ASTN1: variants seen among roughly 807,000 people sequenced by gnomAD.
ASTN1 encodes astrotactin 1, also known as astrotactin-1.
ASTN1 carries 41 observed loss-of-function variants against 140.7 expected under a neutral mutation model. The observed-to-expected ratio is 0.29, with a 90% CI of 0.23 to 0.38. The LOEUF is 0.38. Among genes scored for constraint, ASTN1 ranks in the 10% least tolerant of loss-of-function variants. The pLI is 1.00. For missense variants in ASTN1, 1,479 were observed against 1,678.8 expected (o/e 0.88, Z 2.08); for synonymous variants, 640 against 652.2 (o/e 0.98, Z 0.29).
chr1:176,992,984 G>A (rs533014360), intron 8 of ASTN1, among the ~76,000 whole-genome samples: 26 of 152,272 alleles, frequency 1.7e-4, no homozygotes, highest in African/African-American at 5.5e-4. Flanking sequence ...GATTGGCTTC[G>A]TTACGAGAAG....
At chr1:177,029,396 CAATTTGG>C (rs1212187295) in intron 5 of ASTN1, 12 of 722,376 alleles carry the variant, frequency 1.7e-5, no homozygotes, top group Non-Finnish European at 2.1e-5. Context: ...GCCTTTCAAA[CAATTTGG>C]AAACTTGTTT....
At chr1:177,026,688 G>C (rs1676132744) in intron 5 of ASTN1, among the ~76,000 whole-genome samples, 1 of 152,132 alleles carries the variant, frequency 6.6e-6, no homozygotes, top group Non-Finnish European at 1.5e-5. Context: ...CCTGTCTTTG[G>C]ATAAAAGCCA....
intron 1 of ASTN1, among the ~76,000 whole-genome samples, chr1:177,162,413 T>G (rs560387438): frequency 3.5e-4 from 53 of 152,204 alleles, no homozygotes; most frequent in Admixed American, 5.9e-4. Flanking sequence ...AGAGTGTGTC[T>G]GTGTGCCTGT....
At chr1:176,934,552 A>G (rs548050031) in intron 15 of ASTN1, among the ~76,000 whole-genome samples, 1 of 151,956 alleles carries the variant, frequency 6.6e-6, no homozygotes, top group African/African-American at 2.4e-5. Flanking sequence ...GGTTGTATTA[A>G]CTTTGTGCCA....
intron 1 of ASTN1, among the ~76,000 whole-genome samples, chr1:177,119,202 C>T (rs142504104): frequency 2.0e-4 from 31 of 152,260 alleles, no homozygotes; most frequent in African/African-American, 7.0e-4. Flanking sequence ...AGACAGTGCC[C>T]TCATCAATGT....
intron 8 of ASTN1, among the ~76,000 whole-genome samples, chr1:176,979,092 T>A (rs1263267656): frequency 1.3e-5 from 2 of 152,076 alleles, no homozygotes; most frequent in African/African-American, 4.8e-5. Context: ...AGGGAAACAG[T>A]CCTGGAGCAT....
At chr1:177,073,606 T>G (rs1293470943) in intron 1 of ASTN1, among the ~76,000 whole-genome samples, 1 of 147,974 alleles carries the variant, frequency 6.8e-6, no homozygotes, top group Non-Finnish European at 1.5e-5. Context: ...TTATTCTACC[T>G]TCATAGAACC....
rs1667956157 is a variant in ASTN1, at chr1:176,861,397, G to C, written c.*2887C>G. ...TCTTGGGGACATGGGAGCTGGGAGA[G>C]TGTTGGTGGGATATAAGCACCTCCC... On this transcript the variant is annotated 3_prime_UTR_variant, in exon 23 of 23. Transcript: ENST00000361833. 1.0e-6 allele frequency: 1 copy of C among 985,718 alleles called. No homozygotes were observed. The highest frequency in any genetic ancestry group is 1.2e-6 in the Non-Finnish European group (1 of 829,932). 61.1% of individuals were successfully genotyped at this position (985,718 alleles called of 1,614,324 possible). A position where few individuals can be genotyped will look rare whatever the true frequency, so the allele number is the denominator to read the frequency against.
In ASTN1 at chr1:176,909,578, G is replaced by A. The variant is rs527444133; in HGVS notation, c.2672-14748C>T. Among the ~76,000 whole-genome samples, 3 of 152,262 alleles carry A rather than the reference G, an allele frequency of 2.0e-5. No individual in the cohort carries two copies. In the South Asian group the frequency reaches 6.2e-4, roughly 32 times the overall value. On this transcript the variant is annotated intron_variant, in intron 16 of 22. Transcript: ENST00000361833. ...ACAGAATTAAATTTTGGTCCCCCAAGCCAACCTTTTTTGTTACAAAAGATT... is the reference window on the plus strand; with the variant it reads ...ACAGAATTAAATTTTGGTCCCCCAAACCAACCTTTTTTGTTACAAAAGATT...
rs1669017227 is a variant in ASTN1 at position 176,885,979 on chromosome 1, A to C, written c.3075-1489T>G. Among the ~76,000 whole-genome samples, 4 of 152,292 alleles carry C rather than the reference A, an allele frequency of 2.6e-5. No homozygotes were observed. The South Asian group carries it at 8.3e-4, about 32-fold the overall frequency. On this transcript the variant is annotated intron_variant, in intron 18 of 22. Transcript: ENST00000361833. ...ATGACATTGAAGATGGAATAGACCCAAAACTGTGCAGATATTGACAAATTC... is the reference window on the plus strand; with the variant it reads ...ATGACATTGAAGATGGAATAGACCCCAAACTGTGCAGATATTGACAAATTC...
intron 2 of ASTN1, 44 bp from the exon 3 acceptor site, chr1:177,032,893 C>A: frequency 6.6e-7 from 1 of 1,524,330 alleles, no homozygotes; most frequent in Non-Finnish European, 8.8e-7. Flanking sequence ...GATGGGTAGG[C>A]TCTTCCCACA....
chr1:177,046,366 A>G (rs1677224037), intron 2 of ASTN1, among the ~76,000 whole-genome samples: 2 of 152,234 alleles, frequency 1.3e-5, no homozygotes, highest in African/African-American at 2.4e-5. Context: ...TATTATTAGT[A>G]TCAAATGCAC....
intron 1 of ASTN1, among the ~76,000 whole-genome samples, chr1:177,142,970 G>A (rs1682544022): frequency 6.6e-6 from 1 of 152,056 alleles, no homozygotes. Flanking sequence ...CCTGAGTGAG[G>A]AGGAAACACT....
chr1:177,096,716 T>G (rs1434210137), intron 1 of ASTN1, among the ~76,000 whole-genome samples: 1 of 152,204 alleles, frequency 6.6e-6, no homozygotes, highest in Admixed American at 6.5e-5. Context: ...TGCTGCCATG[T>G]AAGACGTGCC....
intron 8 of ASTN1, among the ~76,000 whole-genome samples, chr1:176,994,555 C>T (rs1471793086): frequency 6.6e-6 from 1 of 152,126 alleles, no homozygotes; most frequent in Non-Finnish European, 1.5e-5. Flanking sequence ...GTTGGCCAGG[C>T]TGGTCTCGAA....
chr1:176,876,762 C>G, intron 20 of ASTN1, 125 bp from the exon 21 acceptor site: 4 of 882,280 alleles, frequency 4.5e-6, no homozygotes, highest in Non-Finnish European at 6.9e-6. Flanking sequence ...CTCTCGTCAT[C>G]CTGGGTCACG....
At chr1:177,075,757 C>T (rs1427104995) in intron 1 of ASTN1, among the ~76,000 whole-genome samples, 1 of 151,112 alleles carries the variant, frequency 6.6e-6, no homozygotes, top group Non-Finnish European at 1.5e-5. Context: ...AGCAATCCTT[C>T]CATCTCAGCC....
intron 1 of ASTN1, among the ~76,000 whole-genome samples, chr1:177,137,567 C>G (rs759957208): frequency 2.0e-4 from 31 of 152,204 alleles, no homozygotes; most frequent in Non-Finnish European, 4.0e-4. Flanking sequence ...TAATTATACA[C>G]ATAATCCAGA....
At chr1:177,006,991 A>C (rs1300423253) in intron 8 of ASTN1, among the ~76,000 whole-genome samples, 1 of 152,198 alleles carries the variant, frequency 6.6e-6, no homozygotes, top group Admixed American at 6.5e-5. Context: ...TTAAATCTTT[A>C]TTTAACCAAC....
Sources: allele counts gnomAD v4.1 joint callset (sites outside exome capture counted in the v4.1 genomes callset), GRCh38; gene constraint gnomAD v4.1.1; transcripts MANE v1.5; gene names NCBI Gene and HGNC (gene_info 2026-07-23, HGNC 2026-07-21).